NFATC1: variants seen among roughly 807,000 people sequenced by gnomAD.
The protein encoded by NFATC1 is nuclear factor of activated T cells 1.
NFATC1 carries 22 observed loss-of-function variants against 76.0 expected under a neutral mutation model. The observed-to-expected ratio is 0.29, with a 90% confidence interval of 0.21 to 0.41. The LOEUF is 0.41. NFATC1 is among the 10% of genes least tolerant of loss of function. The probability of loss-of-function intolerance (pLI) is 1.00; values close to 1 mark genes in which losing one functional copy is unlikely to be tolerated. For synonymous variants in NFATC1, 704 were observed against 613.1 expected, an observed-to-expected ratio of 1.15 and a Z score of -2.19; for missense variants, 1,357 against 1,337.7, an observed-to-expected ratio of 1.01 and a Z score of -0.23.
intron 9 of NFATC1, among the ~76,000 whole-genome samples, chr18:79,491,572 G>A (rs1168877478): frequency 5.9e-5 from 9 of 152,204 alleles, no homozygotes; most frequent in South Asian, 2.1e-4. Context: ...GGCCAGCCCC[G>A]AGCCCCGTGA....
intron 1 of NFATC1, among the ~76,000 whole-genome samples, chr18:79,408,644 TA>T (rs1198395020): frequency 5.9e-5 from 9 of 152,246 alleles, no homozygotes; most frequent in Admixed American, 5.9e-4. Context: ...AGCTGGTGAT[TA>T]GGGCACCTTG....
At chr18:79,475,366 G>A (rs1024744746) in intron 8 of NFATC1, among the ~76,000 whole-genome samples, 18 of 141,184 alleles carry the variant, frequency 1.3e-4, no homozygotes, top group African/African-American at 3.8e-4. Flanking sequence ...GTGTTTTCAC[G>A]CTCACTGTCG....
chr18:79,508,888 G>C lies in NFATC1; in HGVS notation c.2783-18640G>C, dbSNP rs150753429. Among the ~76,000 whole-genome samples, 15 of 150,692 alleles carry C rather than the reference G, an allele frequency of 1.0e-4. 1 individual carries two copies. The highest frequency in any genetic ancestry group is 6.8e-3 in the Middle Eastern group (2 of 294). The stretch of plus-strand genomic sequence containing the variant: ...TCTCTGCCTCTCTGTCTCTCTCTCC[G>C]TCCCTCCCTCCCTCCCTTTCTCTCT... On this transcript the variant is annotated intron_variant, in intron 9 of 9. Transcript: ENST00000427363.
chr18:79,399,452 C>T (rs1382667633), intron 1 of NFATC1, among the ~76,000 whole-genome samples: 1 of 152,222 alleles, frequency 6.6e-6, no homozygotes, highest in African/African-American at 2.4e-5. Context: ...CAGACTCCCA[C>T]CATCCTCCTA....
At chr18:79,409,629 T>G (rs2085588085) in intron 1 of NFATC1, among the ~76,000 whole-genome samples, 1 of 152,100 alleles carries the variant, frequency 6.6e-6, no homozygotes, top group South Asian at 2.1e-4. Flanking sequence ...CATCTACCCA[T>G]CATCCCTTCA....
intron 3 of NFATC1, among the ~76,000 whole-genome samples, chr18:79,438,421 C>T (rs1009515700): frequency 2.0e-5 from 3 of 152,206 alleles, no homozygotes; most frequent in African/African-American, 7.2e-5. Context: ...CCCACGGGGG[C>T]ACGTGGACCT....
At chr18:79,400,487 AGTCCCGGAG>A in intron 1 of NFATC1, 1 of 1,435,790 alleles carries the variant, frequency 7.0e-7, no homozygotes, top group Non-Finnish European at 9.1e-7. Context: ...CAGGTGGGTC[AGTCCCGGAG>A]GGCGCGGGGG....
At chr18:79,461,702 G>C (rs532825669) in intron 7 of NFATC1, among the ~76,000 whole-genome samples, 4 of 152,280 alleles carry the variant, frequency 2.6e-5, no homozygotes, top group African/African-American at 9.6e-5. Context: ...CCCGCCCTTT[G>C]CTGTCCCCTT....
intron 8 of NFATC1, among the ~76,000 whole-genome samples, chr18:79,476,130 G>T (rs1434609709): frequency 6.6e-6 from 1 of 152,248 alleles, no homozygotes; most frequent in Non-Finnish European, 1.5e-5. Context: ...TCAGTGGGGA[G>T]GCTGGGTGCC....
chr18:79,441,041 C>T (rs948968118), intron 3 of NFATC1, among the ~76,000 whole-genome samples: 2 of 152,204 alleles, frequency 1.3e-5, no homozygotes, highest in African/African-American at 2.4e-5. Flanking sequence ...TGGACAGAGG[C>T]GCTTTGCTGG....
chr18:79,512,954 G>A (rs191004161), intron 9 of NFATC1, among the ~76,000 whole-genome samples: 6 of 152,222 alleles, frequency 3.9e-5, no homozygotes, highest in East Asian at 3.9e-4. Context: ...ACACCAAATC[G>A]CCTTCCGTAC....
intron 9 of NFATC1, among the ~76,000 whole-genome samples, chr18:79,487,721 C>A (rs1157828585): frequency 6.6e-6 from 1 of 152,266 alleles, no homozygotes; most frequent in Non-Finnish European, 1.5e-5. Context: ...GACTTGCTTG[C>A]AGTCGCGCTG....
intron 1 of NFATC1, among the ~76,000 whole-genome samples, chr18:79,402,702 T>C (rs1008214727): frequency 2.0e-5 from 3 of 152,238 alleles, no homozygotes; most frequent in African/African-American, 4.8e-5. Flanking sequence ...GGGTTCTTTA[T>C]GTATCTCATA....
intron 8 of NFATC1, among the ~76,000 whole-genome samples, chr18:79,482,575 GTGACCTGGTCCTGGGGTGTCATTCCAGCA>G (rs1569016416): frequency 5.7e-4 from 77 of 135,304 alleles, no homozygotes; most frequent in African/African-American, 1.9e-3. Flanking sequence ...TAATTCCAGC[GTGACCTGGTCCTGGGGTGTCATTCCAGCA>G]TGACCTGGTT....
At chr18:79,489,881 C>T (rs1229496204) in intron 9 of NFATC1, among the ~76,000 whole-genome samples, 3 of 152,234 alleles carry the variant, frequency 2.0e-5, no homozygotes, top group Non-Finnish European at 4.4e-5. Context: ...GGTTAGCGTA[C>T]GGCGCTAGGC....
chr18:79,426,138 G>A (rs2086319967), intron 2 of NFATC1, among the ~76,000 whole-genome samples: 1 of 152,136 alleles, frequency 6.6e-6, no homozygotes, highest in South Asian at 2.1e-4. Context: ...TGAGGCCACT[G>A]CACTCTAGCC....
chr18:79,416,827 C>T (rs1237653980), intron 2 of NFATC1, among the ~76,000 whole-genome samples: 1 of 152,194 alleles, frequency 6.6e-6, no homozygotes, highest in Non-Finnish European at 1.5e-5. Flanking sequence ...GGGAGTCCCC[C>T]GCACAACCTG....
intron 1 of NFATC1, among the ~76,000 whole-genome samples, chr18:79,399,489 T>C (rs981430312): frequency 6.6e-6 from 1 of 152,138 alleles, no homozygotes; most frequent in Non-Finnish European, 1.5e-5. Context: ...GTGTATATGG[T>C]GCGGAGAGCC....
At chr18:79,450,738 C>A (rs1394211057) in intron 4 of NFATC1, among the ~76,000 whole-genome samples, 2 of 152,170 alleles carry the variant, frequency 1.3e-5, no homozygotes, top group African/African-American at 4.8e-5. Flanking sequence ...CTGCTTGCCC[C>A]CTCGCCTGCG....
Sources: gnomAD v4.1 joint callset for allele counts (sites outside exome capture counted in the v4.1 genomes callset) on GRCh38, gnomAD v4.1.1 for gene constraint, MANE v1.5 for transcripts, NCBI Gene and HGNC (gene_info 2026-07-23, HGNC 2026-07-21) for gene names.